U2SURP: variants seen among roughly 807,000 people sequenced by gnomAD.
The protein encoded by U2SURP is U2 snRNP-associated SURP motif-containing protein.
In U2SURP, 9 loss-of-function variants were observed where a neutral mutation model predicts 144.9. That is an observed-to-expected ratio of 0.06 (90% CI 0.04 to 0.11). The LOEUF is 0.11. Among genes scored for constraint, U2SURP ranks in the 10% least tolerant of loss-of-function variants. The pLI, the probability that U2SURP is intolerant of heterozygous loss-of-function variation, is 1.00. For missense variants in U2SURP, 724 were observed against 1,226.7 expected (o/e 0.59, Z 6.12); for synonymous variants, 408 against 396.8 (o/e 1.03, Z -0.33).
At chr3:143,008,262 T>TG (rs11464601) in intron 1 of U2SURP, among the ~76,000 whole-genome samples, 102,706 of 152,170 alleles carry the variant, frequency 0.67, 34,870 homozygotes, top group African/African-American at 0.75. Context: ...TTTGATGACT[T>TG]GGAGTCAGGG....
chr3:143,023,607 CAG>C (rs969577380), intron 12 of U2SURP, among the ~76,000 whole-genome samples: 36 of 152,126 alleles, frequency 2.4e-4, no homozygotes, highest in Admixed American at 1.4e-3. Flanking sequence ...CTTAAAATGA[CAG>C]GGCTGGTTTT....
chr3:143,045,429 G>GAAAT (rs1578163009), intron 24 of U2SURP, among the ~76,000 whole-genome samples: 1 of 148,158 alleles, frequency 6.7e-6, no homozygotes, highest in Admixed American at 6.7e-5. Context: ...TGTTGGAGTA[G>GAAAT]AAATAGACTT....
chr3:143,047,889 C>CT (rs1223679592), intron 24 of U2SURP, among the ~76,000 whole-genome samples: 1 of 142,658 alleles, frequency 7.0e-6, no homozygotes, highest in Non-Finnish European at 1.6e-5. Flanking sequence ...CTGACCCCCC[C>CT]CAACCTCCCT....
intron 24 of U2SURP, among the ~76,000 whole-genome samples, chr3:143,047,294 G>A (rs1934553955): frequency 3.1e-5 from 1 of 32,742 alleles, no homozygotes; most frequent in Non-Finnish European, 5.1e-5. Flanking sequence ...CCTCCCTCCC[G>A]GACGGGGCGG....
intron 13 of U2SURP, 26 bp downstream of exon 13, chr3:143,024,044 G>A (rs1433410440): frequency 3.1e-6 from 5 of 1,591,322 alleles, no homozygotes; most frequent in Non-Finnish European, 4.3e-6. Context: ...TATTATTACT[G>A]ATCTAAATAT....
At chr3:143,014,043 C>A (rs1174623893) in intron 3 of U2SURP, among the ~76,000 whole-genome samples, 1 of 137,550 alleles carries the variant, frequency 7.3e-6, no homozygotes, top group African/African-American at 3.1e-5. Context: ...TAGTGTCAGT[C>A]TCTTCTATTT....
chr3:143,011,198 C>T (rs1936107955), intron 2 of U2SURP, among the ~76,000 whole-genome samples: 1 of 152,112 alleles, frequency 6.6e-6, no homozygotes, highest in African/African-American at 2.4e-5. Context: ...TTGGAAATCC[C>T]TGCAGGTAAA....
chr3:143,018,663 T>G (rs1357102856), intron 6 of U2SURP, among the ~76,000 whole-genome samples: 1 of 152,120 alleles, frequency 6.6e-6, no homozygotes, highest in Non-Finnish European at 1.5e-5. Flanking sequence ...TTGTATCACT[T>G]TACAGTTCCA....
chr3:143,043,313 G>T, intron 24 of U2SURP, 37 bp downstream of exon 24: 1 of 1,552,266 alleles, frequency 6.4e-7, no homozygotes, highest in Non-Finnish European at 8.7e-7. Context: ...ACACTTTATT[G>T]GCTTTTCACT....
chr3:143,040,692 C>T (rs1248563595), intron 23 of U2SURP, among the ~76,000 whole-genome samples: 2 of 151,666 alleles, frequency 1.3e-5, no homozygotes, highest in African/African-American at 4.8e-5. Flanking sequence ...ATTTGAACCT[C>T]GAATTGTGGC....
chr3:143,022,161 T>G (rs931897699), intron 10 of U2SURP, among the ~76,000 whole-genome samples: 7 of 152,318 alleles, frequency 4.6e-5, no homozygotes, highest in Admixed American at 1.3e-4. Context: ...TTGAAAAATG[T>G]TACTAAATGC....
At chr3:143,022,437 G>C (rs1358558444) in intron 10 of U2SURP, 60 bp from the exon 11 acceptor site, 1 of 1,413,250 alleles carries the variant, frequency 7.1e-7, no homozygotes, top group African/African-American at 1.4e-5. Flanking sequence ...TTTGTTTTCT[G>C]AAAATAATTT....
chr3:143,060,279 CAGTT>C lies in U2SURP; in HGVS notation c.*3830_*3833del, dbSNP rs1935320677. The C allele has an allele frequency of 6.6e-6, 1 of 152,222 alleles. No homozygotes were observed. Among genetic ancestry groups the C allele is most frequent in the African/African-American group, 2.4e-5 (1 of 41,404 alleles). The allele number at this position is 152,222 out of a possible 1,614,324, so 9.4% of individuals were successfully genotyped here. Reference sequence around the variant, plus strand: ...TGGTGATTTGAAATATCAGGAAAGACAGTTTGTCAGAAATGAGAATAATATAGTT... The same window carrying C: ...TGGTGATTTGAAATATCAGGAAAGACTGTCAGAAATGAGAATAATATAGTT... On this transcript the variant is annotated 3_prime_UTR_variant, in exon 28 of 28. Transcript: ENST00000473835.
At chr3:143,039,128 G>C (rs1933964143) in intron 23 of U2SURP, among the ~76,000 whole-genome samples, 168 bp downstream of exon 23, 1 of 151,800 alleles carries the variant, frequency 6.6e-6, no homozygotes, top group African/African-American at 2.4e-5. Flanking sequence ...AAGAGCTTTT[G>C]TTTTCTGGTC....
chr3:143,013,621 A>T (rs577246549), intron 3 of U2SURP, among the ~76,000 whole-genome samples: 1 of 152,222 alleles, frequency 6.6e-6, no homozygotes, highest in South Asian at 2.1e-4. Context: ...CTGACTGAAC[A>T]AAAAGGTCTA....
At chr3:143,045,041 A>G (rs1934348771) in intron 24 of U2SURP, among the ~76,000 whole-genome samples, 2 of 152,190 alleles carry the variant, frequency 1.3e-5, no homozygotes, top group African/African-American at 4.8e-5. Context: ...TTTTCAACCT[A>G]CACATGCTCC....
At chr3:143,053,537 T>C in intron 25 of U2SURP, 139 bp from the exon 26 acceptor site, 1 of 573,168 alleles carries the variant, frequency 1.7e-6, no homozygotes, top group Non-Finnish European at 2.7e-6. Context: ...AGGGGTAGAT[T>C]TTTTTTTTTT....
In U2SURP at chr3:143,059,799, A is replaced by T. The variant is rs1312658204; in HGVS notation, c.*3349A>T. ...GAAAATTGTGCAGATACTAGTGAAGATACTAGTATAAGTTTAAAGGAACAC... is the reference window on the plus strand; with the variant it reads ...GAAAATTGTGCAGATACTAGTGAAGTTACTAGTATAAGTTTAAAGGAACAC... On this transcript the variant is annotated 3_prime_UTR_variant, in exon 28 of 28. Coordinates refer to ENST00000473835, the MANE Select transcript of U2SURP (RefSeq NM_001080415.2). 6.6e-6 allele frequency: 1 copy of T among 152,188 alleles called. No individual in the cohort carries two copies. Among genetic ancestry groups the T allele is most frequent in the African/African-American group, 2.4e-5 (1 of 41,430 alleles). 9.4% of individuals were successfully genotyped at this position (152,188 alleles called of 1,614,324 possible).
At chr3:143,042,566 T>C (rs1934173517) in intron 23 of U2SURP, among the ~76,000 whole-genome samples, 2 of 152,160 alleles carry the variant, frequency 1.3e-5, no homozygotes. Context: ...CAATGTACAC[T>C]GTACCCAATA....
Sources: gnomAD v4.1 joint callset for allele counts (sites outside exome capture counted in the v4.1 genomes callset) on GRCh38, gnomAD v4.1.1 for gene constraint, MANE v1.5 for transcripts, NCBI Gene and HGNC (gene_info 2026-07-23, HGNC 2026-07-21) for gene names.